Variants in PCDH11X observed in about 807,000 individuals in gnomAD.
The protein encoded by PCDH11X is protocadherin 11 X-linked, also known as protocadherin-11 X-linked.
In PCDH11X, 18 loss-of-function variants were observed where a neutral mutation model predicts 53.3. The ratio of observed to expected loss-of-function variants is 0.34; its 90% CI spans 0.23 to 0.50. The LOEUF (loss-of-function observed/expected upper bound fraction) is 0.50, where lower values mean the gene tolerates loss of function less well. PCDH11X is among the 20% of genes least tolerant of loss of function. PCDH11X has a pLI of 0.98. For synonymous variants in PCDH11X, 279 were observed against 393.3 expected (o/e 0.71, Z 3.44); for missense variants, 570 against 1,032.4 (o/e 0.55, Z 6.14).
At chrX:92,234,894 T>C (rs1254259004) in intron 7 of PCDH11X, among the ~76,000 whole-genome samples, 1 of 111,267 alleles carries the variant, frequency 9.0e-6, no homozygotes, top group Non-Finnish European at 1.9e-5. Flanking sequence ...AATAAAACAT[T>C]TCTTCTCCCA....
At chrX:92,364,914 CA>C (rs57977407) in intron 8 of PCDH11X, among the ~76,000 whole-genome samples, 1,495 of 44,661 alleles carry the variant, frequency 0.033, 36 homozygotes, top group East Asian at 0.15. Context: ...ACCCTTTCTA[CA>C]AAAAAAAAAA....
At chrX:92,191,469 A>G (rs2066191610) in intron 6 of PCDH11X, among the ~76,000 whole-genome samples, 1 of 111,973 alleles carries the variant, frequency 8.9e-6, no homozygotes, top group South Asian at 3.7e-4. Flanking sequence ...GAAATTAGAA[A>G]CGTCATTATT....
intron 10 of PCDH11X, among the ~76,000 whole-genome samples, chrX:92,592,634 G>A (rs768866118): frequency 9.0e-6 from 1 of 111,187 alleles, no homozygotes; most frequent in East Asian, 2.9e-4. Context: ...GGGAGGCTGA[G>A]GCAGGAGAAT....
At chrX:92,024,301 G>A (rs1160449385) in intron 6 of PCDH11X, among the ~76,000 whole-genome samples, 2 of 110,988 alleles carry the variant, frequency 1.8e-5, no homozygotes, top group Non-Finnish European at 3.8e-5. Context: ...AAGCTGGTAA[G>A]CAATTTCAGC....
At chrX:92,004,261 A>T (rs1168944893) in intron 6 of PCDH11X, among the ~76,000 whole-genome samples, 1 of 111,685 alleles carries the variant, frequency 9.0e-6, no homozygotes, top group Non-Finnish European at 1.9e-5. Flanking sequence ...TATTATTTTA[A>T]TTTTTTTGAA....
intron 5 of PCDH11X, among the ~76,000 whole-genome samples, chrX:91,839,579 A>G (rs7057829): frequency 0.11 from 12,448 of 109,306 alleles, 1,797 homozygotes; most frequent in African/African-American, 0.39. Context: ...AATCCAGCCC[A>G]GGTAACAGTG....
chrX:92,613,731 G>A (rs1434256362), intron 10 of PCDH11X, among the ~76,000 whole-genome samples: 2 of 110,321 alleles, frequency 1.8e-5, no homozygotes, highest in African/African-American at 3.3e-5. Context: ...CTCAAATATT[G>A]TTTTCCAAGT....
intron 10 of PCDH11X, among the ~76,000 whole-genome samples, chrX:92,612,864 T>C (rs2067301923): frequency 1.8e-5 from 2 of 110,435 alleles, no homozygotes; most frequent in African/African-American, 6.6e-5. Context: ...CACTTAACCA[T>C]TATGTAATAC....
intron 1 of PCDH11X, among the ~76,000 whole-genome samples, chrX:91,805,552 T>C (rs917760281): frequency 1.8e-5 from 2 of 111,519 alleles, no homozygotes; most frequent in African/African-American, 6.5e-5. Context: ...CGGTGGCTCA[T>C]ACCTGTAATC....
chrX:91,818,997 C>T (rs188182014), intron 4 of PCDH11X, among the ~76,000 whole-genome samples: 5 of 112,099 alleles, frequency 4.5e-5, no homozygotes, highest in African/African-American at 1.6e-4. Context: ...GCAAGCAATA[C>T]TGTATCCAAC....
intron 6 of PCDH11X, among the ~76,000 whole-genome samples, chrX:92,193,628 A>G (rs1238425250): frequency 6.3e-5 from 7 of 111,195 alleles, no homozygotes; most frequent in African/African-American, 2.3e-4. Context: ...TAAATAATAT[A>G]TTGCTTTAAC....
At chrX:92,543,062 A>G (rs768779648) in intron 10 of PCDH11X, among the ~76,000 whole-genome samples, 326 of 107,925 alleles carry the variant, frequency 3.0e-3, no homozygotes, top group African/African-American at 0.01. Context: ...ACTCACTTCC[A>G]CTTTTCCATT....
intron 8 of PCDH11X, among the ~76,000 whole-genome samples, chrX:92,284,956 C>T (rs1169521356): frequency 9.0e-6 from 1 of 111,300 alleles, no homozygotes; most frequent in African/African-American, 3.3e-5. Flanking sequence ...TGAACTGTGG[C>T]ATCTGGAAGC....
At chrX:92,305,176 C>T (rs1193038606) in intron 8 of PCDH11X, among the ~76,000 whole-genome samples, 1 of 111,078 alleles carries the variant, frequency 9.0e-6, no homozygotes, top group Non-Finnish European at 1.9e-5. Flanking sequence ...TATTGATAGT[C>T]ATGCCACACA....
At chrX:92,076,511 C>A (rs771827869) in intron 6 of PCDH11X, among the ~76,000 whole-genome samples, 2 of 109,877 alleles carry the variant, frequency 1.8e-5, no homozygotes, top group Non-Finnish European at 3.8e-5. Flanking sequence ...CTTTGATGCT[C>A]ACAATGTAGA....
chrX:92,498,930 C>A lies in PCDH11X; in HGVS notation c.3367+30608C>A, dbSNP rs200621247. On this transcript the variant is annotated intron_variant, in intron 10 of 10. Transcript: ENST00000682573. ...TTATAATATTATAATATTATAATAT[C>A]TATTATAACAAAACTTGAAATATCT... 8.7e-5 allele frequency among the ~76,000 whole-genome samples: 7 copies of A among 80,880 alleles called. No homozygotes were observed. In the East Asian group the frequency reaches 2.7e-3, roughly 31 times the overall value. The allele number at this position is 80,880 out of a possible 115,157, so 70.2% of individuals were successfully genotyped here.
In PCDH11X at chrX:91,877,818, G is replaced by A. The variant is rs1939694609; in HGVS notation, c.1578G>A (p.Lys526=). 2 of 1,211,399 alleles carry A rather than the reference G, an allele frequency of 1.7e-6. No individual in the cohort carries two copies. Among genetic ancestry groups the A allele is most frequent in the Non-Finnish European group, 1.1e-6 (1 of 895,388 alleles). The change falls in exon 6 of 11, where the codon AAG becomes AAA. Residue 526 remains lysine, a synonymous_variant. Transcript: ENST00000682573. The stretch of plus-strand genomic sequence containing the variant: ...GTACAGGCATGCTGACTGTAGTGAA[G>A]AAACTAGATAGAGAAAAAGAGGATA... The part of the protein sequence containing the change: ...DCRTGMLTVV[K]KLDREKEDKY...
At chrX:92,555,809 G>T (rs1277558991) in intron 10 of PCDH11X, among the ~76,000 whole-genome samples, 1 of 111,136 alleles carries the variant, frequency 9.0e-6, no homozygotes, top group Non-Finnish European at 1.9e-5. Context: ...GCTCCTGGAA[G>T]GTCCTTTTGG....
At chrX:92,560,914 C>A (rs764797453) in intron 10 of PCDH11X, among the ~76,000 whole-genome samples, 14 of 108,263 alleles carry the variant, frequency 1.3e-4, no homozygotes, top group Admixed American at 9.9e-4. Flanking sequence ...GGCTTCAGAT[C>A]TGGTGCAGCA....
Sources: allele counts gnomAD v4.1 joint callset (sites outside exome capture counted in the v4.1 genomes callset), GRCh38; gene constraint gnomAD v4.1.1; transcripts MANE v1.5; gene names NCBI Gene and HGNC (gene_info 2026-07-23, HGNC 2026-07-21).